The following ZNF320 variants were observed in gnomAD, a reference collection of about 807,000 sequenced individuals.
ZNF320 encodes the protein zinc finger protein 320.
A neutral mutation model predicts 6.8 loss-of-function variants in ZNF320; 2 were observed. The ratio of observed to expected loss-of-function variants is 0.29; its 90% CI spans 0.12 to 0.93. The LOEUF (loss-of-function observed/expected upper bound fraction) is 0.93. Among genes scored for constraint, ZNF320 ranks in the 40% least tolerant of loss-of-function variants. The pLI is 0.55. For missense variants in ZNF320, 472 were observed against 611.0 expected (o/e 0.77, Z 2.40); for synonymous variants, 208 against 203.2 (o/e 1.02, Z -0.20).
At chr19:52,882,776 G>C (rs2063962482) in intron 5 of ZNF320, among the ~76,000 whole-genome samples, 1 of 152,064 alleles carries the variant, frequency 6.6e-6, no homozygotes, top group African/African-American at 2.4e-5. Flanking sequence ...CCCTGTCTCT[G>C]CTAAAAATAG....
chr19:52,859,823 G>A (rs1453282165), downstream of ZNF320, among the ~76,000 whole-genome samples: 5 of 151,954 alleles, frequency 3.3e-5, no homozygotes, highest in Non-Finnish European at 5.9e-5. Context: ...TTGATATTAG[G>A]AAACTAAATT....
chr19:52,865,434 T>TTTTATATATATA lies in ZNF320; in HGVS notation c.224-1276_224-1275insTATATATATAAA, dbSNP rs368584132. The stretch of plus-strand genomic sequence containing the variant: ...AAGCGTTCTGTGCAGGGTCCAGGCT[T>TTTTATATATATA]TATATATATATATATATGTAATACA... On this transcript the variant is annotated intron_variant, in intron 5 of 5. Transcript: ENST00000673631. 6 of 152,764 alleles carry TTTTATATATATA rather than the reference T, an allele frequency of 3.9e-5. 1 individual carries two copies. Among genetic ancestry groups the TTTTATATATATA allele is most frequent in the African/African-American group, 1.9e-4 (6 of 31,556 alleles). The allele number at this position is 152,764 out of a possible 1,614,324, so 9.5% of individuals were successfully genotyped here.
rs746441058 is a variant in ZNF320 at position 52,879,701 on chromosome 19, T to C, written c.*895A>G. 6.6e-6 allele frequency: 1 copy of C among 151,732 alleles called. No homozygotes were observed. Among genetic ancestry groups the C allele is most frequent in the Non-Finnish European group, 1.5e-5 (1 of 67,950 alleles). 9.4% of individuals were successfully genotyped at this position (151,732 alleles called of 1,614,324 possible). A position where few individuals can be genotyped will look rare whatever the true frequency, so the allele number is the denominator to read the frequency against. ...CTTCTGTGTAGAAAATCACAAAGAG[T>C]CAACCAAAATGCAACTGGAACTAAA... On this transcript the variant is annotated 3_prime_UTR_variant, in exon 6 of 6. Coordinates refer to ENST00000682928, the MANE Select transcript of ZNF320 (RefSeq NM_001351774.2).
chr19:52,868,405 C>G (rs747918656), intron 5 of ZNF320, among the ~76,000 whole-genome samples: 6 of 151,754 alleles, frequency 4.0e-5, no homozygotes, highest in African/African-American at 1.5e-4. Context: ...ACTTGGGAGC[C>G]TCAGGCAGGA....
rs1477739272 is a variant in ZNF320, at chr19:52,879,970, GAAT to G, written c.*623_*625del. ...TAAGAGATACAAGCCATATTGAATG[GAAT>G]AATATTGCTAAATGATTATAACTGA... On this transcript the variant is annotated 3_prime_UTR_variant, in exon 6 of 6. Transcript: ENST00000682928. The G allele has an allele frequency of 1.3e-5, 2 of 152,084 alleles. No individual in the cohort carries two copies. Among genetic ancestry groups the G allele is most frequent in the African/African-American group, 4.8e-5 (2 of 41,430 alleles). 9.4% of individuals were successfully genotyped at this position (152,084 alleles called of 1,614,324 possible).
chr19:52,880,299 G>A lies in ZNF320; in HGVS notation c.*297C>T, dbSNP rs539160638. ...GGAGGTGAATGTTGCAGTGAACCGA[G>A]ATCACATCACTGCACTCCAACGTGG... On this transcript the variant is annotated 3_prime_UTR_variant, in exon 6 of 6. Coordinates refer to ENST00000682928, the MANE Select transcript of ZNF320 (RefSeq NM_001351774.2). The A allele has an allele frequency of 2.0e-5, 5 of 249,646 alleles. No individual in the cohort carries two copies. Among genetic ancestry groups the A allele is most frequent in the East Asian group, 8.4e-5 (1 of 11,894 alleles). The allele number at this position is 249,646 out of a possible 1,614,324, so 15.5% of individuals were successfully genotyped here.
intron 4 of ZNF320, among the ~76,000 whole-genome samples, chr19:52,889,911 G>A (rs1012389727): frequency 2.6e-5 from 4 of 152,162 alleles, no homozygotes; most frequent in Middle Eastern, 3.4e-3. Flanking sequence ...CCTGGTCCAC[G>A]GAGAGCTGAC....
At chr19:52,887,825 G>T (rs1379421716) in intron 5 of ZNF320, among the ~76,000 whole-genome samples, 1 of 152,050 alleles carries the variant, frequency 6.6e-6, no homozygotes, top group African/African-American at 2.4e-5. Context: ...GACCTGAAGT[G>T]ATCCACACAC....
At chr19:52,868,578 A>C (rs116544908) in intron 5 of ZNF320, among the ~76,000 whole-genome samples, 2,985 of 152,204 alleles carry the variant, frequency 0.02, 101 homozygotes, top group African/African-American at 0.067. Flanking sequence ...CAGCAGGCCC[A>C]CAGTGTTCAT....
At chr19:52,867,686 A>G (rs182923212) in intron 5 of ZNF320, among the ~76,000 whole-genome samples, 2 of 151,928 alleles carry the variant, frequency 1.3e-5, no homozygotes, top group African/African-American at 4.8e-5. Flanking sequence ...ATCTTGGCTC[A>G]CAGAAACATC....
At chr19:52,887,611 C>CAG (rs2064135649) in intron 5 of ZNF320, among the ~76,000 whole-genome samples, 1 of 152,064 alleles carries the variant, frequency 6.6e-6, no homozygotes, top group Non-Finnish European at 1.5e-5. Context: ...TTTTTTGAGA[C>CAG]AGTCTTGCTC....
chr19:52,885,300 G>A (rs931075185), intron 5 of ZNF320, among the ~76,000 whole-genome samples: 1 of 152,142 alleles, frequency 6.6e-6, no homozygotes, highest in African/African-American at 2.4e-5. Context: ...AAACGGGTAG[G>A]CTGGGCATGG....
downstream of ZNF320, among the ~76,000 whole-genome samples, chr19:52,873,341 C>A (rs948046108): frequency 9.2e-5 from 14 of 152,168 alleles, no homozygotes; most frequent in Non-Finnish European, 5.9e-5. Context: ...GCATTTGTGT[C>A]CCTGGTTAAT....
downstream of ZNF320, among the ~76,000 whole-genome samples, chr19:52,859,915 T>C (rs1286062894): frequency 8.2e-4 from 17 of 20,750 alleles, no homozygotes; most frequent in Admixed American, 0.012. Flanking sequence ...TTTTTCTTTC[T>C]TTTTTTTTTT....
chr19:52,887,013 A>AGG (rs1555821425), intron 5 of ZNF320, among the ~76,000 whole-genome samples: 18,285 of 141,308 alleles, frequency 0.13, 1,497 homozygotes, highest in South Asian at 0.18. Context: ...AAGGAAAAGA[A>AGG]AAAACAAAAC....
rs1217780940 is a variant in ZNF320, at chr19:52,880,000, T to C, written c.*596A>G. 1.3e-5 allele frequency: 2 copies of C among 152,192 alleles called. No homozygotes were observed. Among genetic ancestry groups the C allele is most frequent in the Non-Finnish European group, 2.9e-5 (2 of 68,046 alleles). 9.4% of individuals were successfully genotyped at this position (152,192 alleles called of 1,614,324 possible). A position where few individuals can be genotyped will look rare whatever the true frequency, so the allele number is the denominator to read the frequency against. On this transcript the variant is annotated 3_prime_UTR_variant, in exon 6 of 6. Coordinates refer to ENST00000682928, the MANE Select transcript of ZNF320 (RefSeq NM_001351774.2). ...ATATTGCTAAATGATTATAACTGAA[T>C]GTGATGTAGATTCAACACAATACCC...
chr19:52,896,107 T>C (rs568366956), intron 1 of ZNF320, among the ~76,000 whole-genome samples: 1 of 152,262 alleles, frequency 6.6e-6, no homozygotes, highest in South Asian at 2.1e-4. Flanking sequence ...ATCTTACTTT[T>C]TTCAGACGGA....
At chr19:52,868,300 A>G (rs1003649315) in intron 5 of ZNF320, among the ~76,000 whole-genome samples, 3 of 152,048 alleles carry the variant, frequency 2.0e-5, no homozygotes, top group Non-Finnish European at 4.4e-5. Context: ...TGAGGTCGGG[A>G]GTTCGAGAGC....
chr19:52,865,434 T>TTATTTATATATATATA (rs1555814107), intron 5 of ZNF320: 1 of 152,784 alleles, frequency 6.5e-6, no homozygotes, highest in African/African-American at 3.2e-5. Context: ...GGTCCAGGCT[T>TTATTTATATATATATA]TATATATATA....
Sources: gnomAD v4.1 joint callset for allele counts (sites outside exome capture counted in the v4.1 genomes callset) on GRCh38, gnomAD v4.1.1 for gene constraint, MANE v1.5 for transcripts, NCBI Gene and HGNC (gene_info 2026-07-23, HGNC 2026-07-21) for gene names.